ERC2: variants seen among roughly 807,000 people sequenced by gnomAD.
ERC2 encodes the protein ELKS/RAB6-interacting/CAST family member 2.
A neutral mutation model predicts 114.8 loss-of-function variants in ERC2; 42 were observed. That is an observed-to-expected ratio of 0.37 (90% CI 0.29 to 0.47). The LOEUF (loss-of-function observed/expected upper bound fraction) is 0.47. Among genes scored for constraint, ERC2 ranks in the 20% least tolerant of loss-of-function variants. The pLI, the probability that ERC2 is intolerant of heterozygous loss-of-function variation, is 0.99. For missense variants in ERC2, 939 were observed against 1,150.7 expected, an observed-to-expected ratio of 0.82 and a Z score of 2.66; for synonymous variants, 454 against 425.5, an observed-to-expected ratio of 1.07 and a Z score of -0.82.
intron 17 of ERC2, among the ~76,000 whole-genome samples, chr3:55,549,477 CTTTTTTTTTTT>C (rs11404043): frequency 1.6e-5 from 2 of 123,226 alleles, no homozygotes; most frequent in Non-Finnish European, 3.3e-5. Context: ...GCCGCCTTAC[CTTTTTTTTTTT>C]TTTTTTTTTC....
intron 7 of ERC2, among the ~76,000 whole-genome samples, chr3:56,065,462 T>C (rs1037821071): frequency 1.3e-5 from 2 of 151,716 alleles, no homozygotes; most frequent in Admixed American, 1.3e-4. Context: ...GCTCCAGCAA[T>C]CCTTCCACCT....
At chr3:55,731,936 G>T (rs1402787241) in intron 15 of ERC2, among the ~76,000 whole-genome samples, 1 of 152,082 alleles carries the variant, frequency 6.6e-6, no homozygotes, top group Non-Finnish European at 1.5e-5. Context: ...TCTACTTTAC[G>T]TTTATGAAGA....
chr3:56,456,519 C>T (rs1420620128), intron 1 of ERC2, among the ~76,000 whole-genome samples: 1 of 152,204 alleles, frequency 6.6e-6, no homozygotes, highest in East Asian at 1.9e-4. Flanking sequence ...CCATCTTGCT[C>T]TTTAATATAA....
At chr3:55,558,774 C>T (rs2055802795) in intron 17 of ERC2, among the ~76,000 whole-genome samples, 1 of 152,134 alleles carries the variant, frequency 6.6e-6, no homozygotes, top group South Asian at 2.1e-4. Context: ...CATAATGGGC[C>T]AAATTCTCCT....
chr3:55,755,469 A>T (rs908403273), intron 14 of ERC2, among the ~76,000 whole-genome samples: 1 of 152,232 alleles, frequency 6.6e-6, no homozygotes, highest in Non-Finnish European at 1.5e-5. Flanking sequence ...TAGTTAAGGC[A>T]TTATTGCTTC....
chr3:55,727,573 CT>C (rs2064998910), intron 15 of ERC2, among the ~76,000 whole-genome samples: 2 of 152,088 alleles, frequency 1.3e-5, no homozygotes, highest in South Asian at 4.1e-4. Flanking sequence ...CACAAAGATT[CT>C]TTTATTGTTA....
At chr3:55,934,419 T>C (rs1229342961) in intron 13 of ERC2, among the ~76,000 whole-genome samples, 2 of 152,238 alleles carry the variant, frequency 1.3e-5, no homozygotes, top group African/African-American at 4.8e-5. Context: ...ACTGTGACAA[T>C]GACTTTACAT....
At chr3:56,400,725 A>T (rs935570808) in intron 2 of ERC2, among the ~76,000 whole-genome samples, 1 of 152,344 alleles carries the variant, frequency 6.6e-6, no homozygotes. Flanking sequence ...ACTCTAATGA[A>T]TGACTTTGCT....
At chr3:55,672,359 C>A (rs996866115) in intron 17 of ERC2, among the ~76,000 whole-genome samples, 11 of 148,064 alleles carry the variant, frequency 7.4e-5, no homozygotes, top group African/African-American at 1.7e-4. Flanking sequence ...AAAAAAAAGT[C>A]TTTTAATATC....
intron 10 of ERC2, among the ~76,000 whole-genome samples, chr3:56,001,229 CA>C (rs2072030673): frequency 6.6e-6 from 1 of 151,876 alleles, no homozygotes; most frequent in Non-Finnish European, 1.5e-5. Context: ...GAGAACAATC[CA>C]AATGTTCCAG....
intron 13 of ERC2, among the ~76,000 whole-genome samples, chr3:55,893,066 G>A (rs1429614816): frequency 3.9e-5 from 6 of 152,040 alleles, no homozygotes; most frequent in Admixed American, 6.5e-5. Context: ...GTAGGGACAC[G>A]GCAAGACGTC....
chr3:56,414,686 C>A, intron 2 of ERC2, among the ~76,000 whole-genome samples: 1 of 150,080 alleles, frequency 6.7e-6, no homozygotes. Context: ...GATCATGCCA[C>A]TACGCTCCAC....
At chr3:55,717,717 C>T (rs2064205901) in intron 15 of ERC2, among the ~76,000 whole-genome samples, 1 of 152,196 alleles carries the variant, frequency 6.6e-6, no homozygotes, top group Non-Finnish European at 1.5e-5. Flanking sequence ...GAGGCCTCTC[C>T]TTTCCCAGAA....
intron 17 of ERC2, among the ~76,000 whole-genome samples, chr3:55,525,195 T>C (rs1470005636): frequency 5.9e-5 from 9 of 152,214 alleles, no homozygotes. Flanking sequence ...TTCACAAAAT[T>C]AGGAAGGTGG....
At chr3:55,547,437 A>T (rs2054834637) in intron 17 of ERC2, among the ~76,000 whole-genome samples, 1 of 152,240 alleles carries the variant, frequency 6.6e-6, no homozygotes, top group Admixed American at 6.5e-5. Flanking sequence ...GGGCTTTGAA[A>T]GGCTGCCATT....
chr3:55,620,629 G>A (rs540143942), intron 17 of ERC2, among the ~76,000 whole-genome samples: 3 of 152,240 alleles, frequency 2.0e-5, no homozygotes, highest in South Asian at 2.1e-4. Flanking sequence ...CACAGTGTAC[G>A]GGAGACTTTA....
At chr3:56,456,214 C>T (rs1221135862) in intron 1 of ERC2, among the ~76,000 whole-genome samples, 2 of 152,154 alleles carry the variant, frequency 1.3e-5, no homozygotes, top group East Asian at 3.9e-4. Flanking sequence ...GAATCCTTTG[C>T]CAAATGCCAT....
intron 5 of ERC2, among the ~76,000 whole-genome samples, chr3:56,143,452 C>A (rs1464297252): frequency 6.6e-6 from 1 of 152,132 alleles, no homozygotes; most frequent in South Asian, 2.1e-4. Flanking sequence ...GCCAGTCTTT[C>A]CCATGCTGTT....
At position 56,381,080 on chromosome 3, in the gene ERC2, A is replaced by G. The variant is rs532136230; in HGVS notation, c.657+53271T>C. Among the ~76,000 whole-genome samples the G allele has an allele frequency of 1.5e-4, 23 of 152,330 alleles. No homozygotes were observed. In the South Asian group the frequency reaches 4.3e-3, roughly 29 times the overall value. On this transcript the variant is annotated intron_variant, in intron 2 of 17. Transcript: ENST00000288221. ...CAACTGATTAATAAGGAAGCACTTT[A>G]GGACTTTGCATTATTTGATTATGCC...
Sources: gnomAD v4.1 joint callset for allele counts (sites outside exome capture counted in the v4.1 genomes callset) on GRCh38, gnomAD v4.1.1 for gene constraint, MANE v1.5 for transcripts, NCBI Gene and HGNC (gene_info 2026-07-23, HGNC 2026-07-21) for gene names.